The following CDH23 variants were observed in gnomAD, a reference collection of about 807,000 sequenced individuals.
CDH23 encodes cadherin-23.
A neutral mutation model predicts 317.1 loss-of-function variants in CDH23; 189 were observed. The observed-to-expected ratio is 0.60, with a 90% CI of 0.53 to 0.67. The LOEUF (loss-of-function observed/expected upper bound fraction) is 0.67, where lower values mean the gene tolerates loss of function less well. Among genes scored for constraint, CDH23 ranks in the 30% least tolerant of loss-of-function variants. The pLI, the probability that CDH23 is intolerant of heterozygous loss-of-function variation, is 0.00. For missense variants in CDH23, 4,401 were observed against 4,592.4 expected (o/e 0.96, Z 1.20); for synonymous variants, 1,839 against 1,876.8 (o/e 0.98, Z 0.52).
At chr10:71,761,334 G>GGTGTGTCACACT (rs1840378102) in intron 38 of CDH23, among the ~76,000 whole-genome samples, 4 of 152,128 alleles carry the variant, frequency 2.6e-5, no homozygotes, top group Admixed American at 2.0e-4. Context: ...CACACTCCCA[G>GGTGTGTCACACT]CCCAGGTACC....
At chr10:71,617,113 A>C in intron 10 of CDH23, 92 bp from the exon 11 acceptor site, 2 of 1,486,698 alleles carry the variant, frequency 1.3e-6, no homozygotes, top group East Asian at 4.9e-5. Flanking sequence ...ACATTGAGGC[A>C]CAGTGGCTGG....
At chr10:71,503,317 C>G (rs570908516) in intron 3 of CDH23, among the ~76,000 whole-genome samples, 11 of 152,330 alleles carry the variant, frequency 7.2e-5, no homozygotes, top group African/African-American at 2.2e-4. Flanking sequence ...CCTGCCTGGG[C>G]CCAAAGACAA....
At chr10:71,582,042 A>G (rs1175614219) in intron 9 of CDH23, among the ~76,000 whole-genome samples, 1 of 152,238 alleles carries the variant, frequency 6.6e-6, no homozygotes, top group Admixed American at 6.5e-5. Context: ...AATAATCCAC[A>G]CATGGATGAG....
intron 3 of CDH23, among the ~76,000 whole-genome samples, chr10:71,483,219 G>A (rs1852164859): frequency 6.6e-6 from 1 of 152,128 alleles, no homozygotes; most frequent in African/African-American, 2.4e-5. Flanking sequence ...CAGCATAACT[G>A]TGCATTCACT....
intron 6 of CDH23, among the ~76,000 whole-genome samples, chr10:71,533,525 C>CCCCCCCCACACA (rs1249775933): frequency 1.5e-5 from 2 of 130,752 alleles, no homozygotes; most frequent in African/African-American, 6.0e-5. Flanking sequence ...TGGCTGGACA[C>CCCCCCCCACACA]CACACACACA....
chr10:71,634,887 C>T (rs1862187527), intron 11 of CDH23, among the ~76,000 whole-genome samples: 2 of 152,376 alleles, frequency 1.3e-5, no homozygotes, highest in South Asian at 4.1e-4. Flanking sequence ...AGGGGAGCCT[C>T]ACCCTCCTGG....
At chr10:71,790,521 G>A in intron 46 of CDH23, 108 bp downstream of exon 46, 1 of 1,409,138 alleles carries the variant, frequency 7.1e-7, no homozygotes. Flanking sequence ...GGCTGTCCGT[G>A]GAGACCCCAT....
intron 11 of CDH23, among the ~76,000 whole-genome samples, chr10:71,631,179 G>C (rs1179759303): frequency 6.6e-6 from 1 of 152,152 alleles, no homozygotes; most frequent in Non-Finnish European, 1.5e-5. Flanking sequence ...GGAGATTTAG[G>C]CTGCAGTGAA....
intron 14 of CDH23, among the ~76,000 whole-genome samples, chr10:71,651,533 A>G (rs1863170168): frequency 6.7e-6 from 1 of 148,602 alleles, no homozygotes; most frequent in African/African-American, 2.5e-5. Context: ...CAGCCTGTGC[A>G]ACAGAGTGAG....
chr10:71,814,751 G>GCCAATCCTCCCAAGAAC (rs1247032459), intron 69 of CDH23, among the ~76,000 whole-genome samples: 13 of 150,808 alleles, frequency 8.6e-5, no homozygotes, highest in African/African-American at 3.2e-4. Context: ...TTCACAAGAA[G>GCCAATCCTCCCAAGAAC]CCAATCCTCC....
chr10:71,616,496 C>G (rs954318482), intron 10 of CDH23, among the ~76,000 whole-genome samples: 3 of 152,220 alleles, frequency 2.0e-5, no homozygotes, highest in Non-Finnish European at 4.4e-5. Context: ...AGAGCTGCCC[C>G]CTGGTCCCAG....
intron 14 of CDH23, among the ~76,000 whole-genome samples, chr10:71,654,542 G>A (rs1172167577): frequency 6.6e-6 from 1 of 152,232 alleles, no homozygotes; most frequent in East Asian, 1.9e-4. Flanking sequence ...GGTGGGTCAG[G>A]AATACAGAAA....
chr10:71,663,211 G>A (rs10999940), intron 14 of CDH23, among the ~76,000 whole-genome samples: 8,258 of 152,278 alleles, frequency 0.054, 744 homozygotes, highest in African/African-American at 0.19. Flanking sequence ...CACCCTTGAA[G>A]GTGTCTTAAG....
At chr10:71,560,781 C>A (rs907984585) in intron 6 of CDH23, among the ~76,000 whole-genome samples, 1 of 152,110 alleles carries the variant, frequency 6.6e-6, no homozygotes, top group Non-Finnish European at 1.5e-5. Flanking sequence ...TCTGATCCAC[C>A]GAGAAGCCTG....
At chr10:71,532,711 G>GTTTT (rs531593760) in intron 6 of CDH23, among the ~76,000 whole-genome samples, 22 of 128,138 alleles carry the variant, frequency 1.7e-4, no homozygotes, top group Non-Finnish European at 2.8e-4. Context: ...TTTTGTTTTT[G>GTTTT]TTTTTTTTTT....
chr10:71,644,662 T>C (rs1648405589), intron 12 of CDH23, among the ~76,000 whole-genome samples: 2 of 152,158 alleles, frequency 1.3e-5, no homozygotes, highest in Non-Finnish European at 2.9e-5. Context: ...TCCCACAACA[T>C]ACCCTAAGCA....
intron 3 of CDH23, among the ~76,000 whole-genome samples, chr10:71,473,172 G>A (rs146612021): frequency 9.2e-5 from 14 of 152,324 alleles, no homozygotes; most frequent in South Asian, 2.1e-4. Flanking sequence ...CTCCATTCCC[G>A]CCTGGGAAGG....
intron 6 of CDH23, among the ~76,000 whole-genome samples, chr10:71,564,976 G>C (rs150109517): frequency 1.9e-3 from 295 of 152,356 alleles, no homozygotes; most frequent in African/African-American, 6.6e-3. Context: ...TTCATGGCTA[G>C]ATATAGATAC....
intron 66 of CDH23, 29 bp from the exon 67 acceptor site, chr10:71,812,451 T>G: frequency 2.5e-6 from 2 of 807,890 alleles, no homozygotes; most frequent in Non-Finnish European, 4.0e-6. Context: ...CTTCCCTCCC[T>G]CCCCACCCTT....
Sources: allele counts gnomAD v4.1 joint callset (sites outside exome capture counted in the v4.1 genomes callset), GRCh38; gene constraint gnomAD v4.1.1; transcripts MANE v1.5; gene names NCBI Gene and HGNC (gene_info 2026-07-23, HGNC 2026-07-21).